The following KMT2A variants were observed in gnomAD, a reference collection of about 807,000 sequenced individuals.
The protein encoded by KMT2A is histone-lysine N-methyltransferase 2A.
Under a neutral mutation model 345.3 loss-of-function variants are expected in KMT2A, and 16 were observed. That is an observed-to-expected ratio of 0.05 (90% CI 0.03 to 0.07). The LOEUF is 0.07. Among genes scored for constraint, KMT2A ranks in the 10% least tolerant of loss-of-function variants. The pLI is 1.00. For missense variants in KMT2A, 3,272 were observed against 4,841.6 expected (o/e 0.68, Z 9.62); for synonymous variants, 1,599 against 1,778.6 (o/e 0.90, Z 2.54).
chr11:118,483,148 G>A (rs1414728324), intron 8 of KMT2A, among the ~76,000 whole-genome samples: 2 of 151,442 alleles, frequency 1.3e-5, no homozygotes, highest in African/African-American at 2.4e-5. Flanking sequence ...CAGGGGAATT[G>A]CCTGAACCTG....
At chr11:118,492,123 G>T (rs1950333090) in intron 15 of KMT2A, among the ~76,000 whole-genome samples, 195 bp downstream of exon 15, 2 of 152,204 alleles carry the variant, frequency 1.3e-5, no homozygotes, top group South Asian at 4.1e-4. Context: ...ATCTTCAAAG[G>T]TCTTGCTGTT....
In KMT2A at chr11:118,472,958, C is replaced by T; in HGVS notation, c.1799C>T (p.Ser600Phe). The T allele has an allele frequency of 6.2e-7, 1 of 1,614,118 alleles. No individual in the cohort carries two copies. The highest frequency in any genetic ancestry group is 8.5e-7 in the Non-Finnish European group (1 of 1,180,020). Residue 600 changes from serine (S) to phenylalanine (F), a missense_variant, in exon 3 of 36, where the codon TCC (serine) becomes TTC (phenylalanine). By Grantham distance (155) the Ser-to-Phe change is radical. Transcript: ENST00000534358. ...TTAGCATCACCATTTTTGCCTGCTTCCACTGCTCCTATGCAAGGGAAGCGA... is the reference window on the plus strand; with the variant it reads ...TTAGCATCACCATTTTTGCCTGCTTTCACTGCTCCTATGCAAGGGAAGCGA... ...IPLASPFLPA[S>F]TAPMQGKRKS... is the part of the protein sequence containing the mutation.
chr11:118,459,975 T>G (rs1269107701), intron 1 of KMT2A, among the ~76,000 whole-genome samples: 1 of 152,064 alleles, frequency 6.6e-6, no homozygotes, highest in Non-Finnish European at 1.5e-5. Flanking sequence ...GATTACAGGC[T>G]TGAGCCACTG....
chr11:118,441,085 T>G (rs1555140005), intron 1 of KMT2A, among the ~76,000 whole-genome samples: 2 of 152,282 alleles, frequency 1.3e-5, no homozygotes, highest in East Asian at 3.9e-4. Flanking sequence ...TATGATTCCT[T>G]TCTGTTGTAT....
At chr11:118,475,566 C>A (rs1356149909) in intron 3 of KMT2A, among the ~76,000 whole-genome samples, 1 of 151,914 alleles carries the variant, frequency 6.6e-6, no homozygotes, top group African/African-American at 2.4e-5. Flanking sequence ...TACTAAAAAT[C>A]CAAAAAATTA....
In KMT2A at chr11:118,495,562, T is replaced by G; in HGVS notation, c.5364-138T>G. The G allele has an allele frequency of 1.8e-6, 1 of 560,158 alleles. No individual in the cohort carries two copies. The allele number at this position is 560,158 out of a possible 1,614,324, so 34.7% of individuals were successfully genotyped here. ...TTGAGTTCTGTGTACTTCAGCAATT[T>G]TCAAACGCTGTGACTTGTTCTTATA... On this transcript the variant is annotated intron_variant, in intron 18 of 35. Coordinates refer to ENST00000534358, the MANE Select transcript of KMT2A (RefSeq NM_001197104.2). The surrounding 1 kb of genome is among the most constrained non-coding windows in gnomAD (Gnocchi z 4.1).
rs9332809 is a variant in KMT2A at position 118,490,757 on chromosome 11, G to A, written c.4697-439G>A. ...AGAAAATTTATGAAGGTTATACAGA[G>A]TACTGAATCTTAGGAAGTGCTCCTC... On this transcript the variant is annotated intron_variant, in intron 13 of 35. Coordinates refer to ENST00000534358, the MANE Select transcript of KMT2A (RefSeq NM_001197104.2). This position sits in a 1 kb window ranked among gnomAD's most constrained non-coding sequence, Gnocchi z 4.2. Among the ~76,000 whole-genome samples the A allele has an allele frequency of 0.041, 6,283 of 152,172 alleles. 182 individuals are homozygous for A. Among genetic ancestry groups the A allele is most frequent in the South Asian group, 0.067 (324 of 4,826 alleles).
At position 118,521,327 on chromosome 11, in the gene KMT2A, C is replaced by T; in HGVS notation, c.11553C>T (p.Asn3851=). ...IHGRGLFCKR[N]IDAGEMVIEY... is the part of the protein sequence containing the mutation. ...GCCGGGGTCTTTTCTGTAAGAGAAA[C>T]ATTGATGCAGGTGAGATGGTGATTG... The change falls in exon 35 of 36, where the codon AAC becomes AAT. Residue 3851 remains asparagine (N), a synonymous_variant. Coordinates refer to ENST00000534358, the MANE Select transcript of KMT2A (RefSeq NM_001197104.2). The surrounding 1 kb of genome is among the most constrained non-coding windows in gnomAD (Gnocchi z 5.3). 1 of 1,614,012 alleles carries T rather than the reference C, an allele frequency of 6.2e-7. No homozygotes were observed. Among genetic ancestry groups the T allele is most frequent in the Non-Finnish European group, 8.5e-7 (1 of 1,179,984 alleles).
chr11:118,469,218 CT>C (rs1949903362), intron 2 of KMT2A, among the ~76,000 whole-genome samples: 1 of 145,984 alleles, frequency 6.9e-6, no homozygotes, highest in Non-Finnish European at 1.5e-5. Flanking sequence ...CTGGGAACTA[CT>C]TGGGGCATGG....
intron 1 of KMT2A, chr11:118,439,086 A>G (rs1555139509): frequency 1.9e-6 from 1 of 513,770 alleles, no homozygotes; most frequent in Admixed American, 2.0e-5. Flanking sequence ...AAAAGACTGA[A>G]CCGTTCAGGT....
chr11:118,448,685 A>G (rs1214370032), intron 1 of KMT2A: 4 of 152,162 alleles, frequency 2.6e-5, no homozygotes, highest in Non-Finnish European at 5.9e-5. Context: ...GTGAACTGAT[A>G]CTAGATTTAT....
In KMT2A at chr11:118,521,094, G is replaced by A. The variant is rs1555053404; in HGVS notation, c.11514-194G>A. ...GCATTAAAATATTACTGCTTCCAGCGGGTCACAGAATGGAAATAACTTTCA... is the reference window on the plus strand; with the variant it reads ...GCATTAAAATATTACTGCTTCCAGCAGGTCACAGAATGGAAATAACTTTCA... On this transcript the variant is annotated intron_variant, in intron 34 of 35. Coordinates refer to ENST00000534358, the MANE Select transcript of KMT2A (RefSeq NM_001197104.2). This position sits in a 1 kb window ranked among gnomAD's most constrained non-coding sequence, Gnocchi z 5.3. The A allele has an allele frequency of 1.6e-5, 11 of 667,480 alleles. No homozygotes were observed. Among genetic ancestry groups the A allele is most frequent in the Non-Finnish European group, 2.6e-5 (10 of 385,050 alleles). 41.3% of individuals were successfully genotyped at this position (667,480 alleles called of 1,614,324 possible).
At chr11:118,483,406 G>A (rs377089256) in intron 8 of KMT2A, among the ~76,000 whole-genome samples, 2 of 151,860 alleles carry the variant, frequency 1.3e-5, no homozygotes, top group Non-Finnish European at 2.9e-5. Context: ...GGTGGCGGGC[G>A]CCTGTAGTCC....
chr11:118,489,727 T>C (rs1950294573), intron 11 of KMT2A, 65 bp from the exon 12 acceptor site: 17 of 1,329,242 alleles, frequency 1.3e-5, no homozygotes, highest in Admixed American at 6.9e-5. Flanking sequence ...AATGGGGTAC[T>C]AAGTAATAGG....
At chr11:118,519,894 CCAT>C in intron 32 of KMT2A, 60 bp from the exon 33 acceptor site, 4 of 1,554,804 alleles carry the variant, frequency 2.6e-6, no homozygotes, top group Non-Finnish European at 3.5e-6. Flanking sequence ...AGTTTTAATG[CCAT>C]CATCCTTTAC....
rs1950398354 is a variant in KMT2A, at chr11:118,495,736, A to G, written c.5400A>G (p.Ser1800=). ...TACCAAACGCAGTGCTTCCACCTTC[A>G]CTTGACCATAATTATGCTCAGTGGC... The part of the protein sequence containing the change: ...GMLPNAVLPP[S]LDHNYAQWQE... The change falls in exon 19 of 36, where the codon TCA becomes TCG. Residue 1800 remains serine, a synonymous_variant. Transcript: ENST00000534358. The surrounding 1 kb of genome is among the most constrained non-coding windows in gnomAD (Gnocchi z 4.1). The G allele has an allele frequency of 6.2e-7, 1 of 1,613,214 alleles. No homozygotes were observed. The highest frequency in any genetic ancestry group is 8.5e-7 in the Non-Finnish European group (1 of 1,179,696).
chr11:118,524,887 A>T lies in KMT2A; in HGVS notation c.*2715A>T, dbSNP rs1555054987. The T allele has an allele frequency of 5.2e-6, 1 of 193,240 alleles. No individual in the cohort carries two copies. The highest frequency in any genetic ancestry group is 1.9e-4 in the South Asian group (1 of 5,158). 12.0% of individuals were successfully genotyped at this position (193,240 alleles called of 1,614,324 possible). A position where few individuals can be genotyped will look rare whatever the true frequency, so the allele number is the denominator to read the frequency against. On this transcript the variant is annotated 3_prime_UTR_variant, in exon 36 of 36. Coordinates refer to ENST00000534358, the MANE Select transcript of KMT2A (RefSeq NM_001197104.2). ...TACTGTGAGCCCCTCCTCACTCTCT[A>T]CCAACCCTAAACCCTGAGGACAGGG...
chr11:118,493,026 G>T lies in KMT2A; in HGVS notation c.5005-31G>T. ...CATGGACACCTTGGTTTTAGTGTTA[G>T]ATAAAAGCAACATATCTTTCCTGGC... On this transcript the variant is annotated intron_variant, in intron 15 of 35. Transcript: ENST00000534358. The surrounding 1 kb of genome is among the most constrained non-coding windows in gnomAD (Gnocchi z 5.8). 1 of 1,594,358 alleles carries T rather than the reference G, an allele frequency of 6.3e-7. No individual in the cohort carries two copies. Among genetic ancestry groups the T allele is most frequent in the Non-Finnish European group, 8.6e-7 (1 of 1,166,364 alleles).
In KMT2A at chr11:118,498,105, G is replaced by T; in HGVS notation, c.5802+32G>T. Reference sequence around the variant, plus strand: ...CCTTATGGGTAAATTTTATGAAAGAGATTCCCTCTCAGTTTCCAGATATTC... The same window carrying T: ...CCTTATGGGTAAATTTTATGAAAGATATTCCCTCTCAGTTTCCAGATATTC... On this transcript the variant is annotated intron_variant, in intron 21 of 35. Transcript: ENST00000534358. This position sits in a 1 kb window ranked among gnomAD's most constrained non-coding sequence, Gnocchi z 4.4. 2 of 1,606,636 alleles carry T rather than the reference G, an allele frequency of 1.2e-6. No homozygotes were observed. Among genetic ancestry groups the T allele is most frequent in the African/African-American group, 1.3e-5 (1 of 74,786 alleles).
Sources: allele counts gnomAD v4.1 joint callset (sites outside exome capture counted in the v4.1 genomes callset), GRCh38; gene constraint gnomAD v4.1.1; non-coding constraint Gnocchi (gnomAD v3.1); transcripts MANE v1.5; gene names NCBI Gene and HGNC (gene_info 2026-07-23, HGNC 2026-07-21).